MEGF11: variants seen among roughly 807,000 people sequenced by gnomAD.
MEGF11 encodes multiple epidermal growth factor-like domains protein 11.
In MEGF11, 126 loss-of-function variants were observed where a neutral mutation model predicts 146.6. The ratio of observed to expected loss-of-function variants is 0.86; its 90% CI spans 0.74 to 1.00. The LOEUF (loss-of-function observed/expected upper bound fraction) is 1.00. MEGF11 is among the 50% of genes least tolerant of loss of function. The probability of loss-of-function intolerance (pLI) is 0.00; values close to 1 mark genes in which losing one functional copy is unlikely to be tolerated. For missense variants in MEGF11, 1,509 were observed against 1,521.2 expected, an observed-to-expected ratio of 0.99 and a Z score of 0.13; for synonymous variants, 532 against 583.4, an observed-to-expected ratio of 0.91 and a Z score of 1.27.
At chr15:65,944,121 A>T (rs1015354841) in intron 10 of MEGF11, among the ~76,000 whole-genome samples, 2 of 152,118 alleles carry the variant, frequency 1.3e-5, no homozygotes, top group African/African-American at 4.8e-5. Flanking sequence ...TGTGCAGGGG[A>T]CTGTGCCGGG....
intron 5 of MEGF11, among the ~76,000 whole-genome samples, chr15:66,039,793 AGGC>A (rs774234890): frequency 7.6e-6 from 1 of 131,768 alleles, no homozygotes; most frequent in Admixed American, 7.7e-5. Context: ...GAGCCGGGTC[AGGC>A]GGCGGTGGGG....
intron 1 of MEGF11, among the ~76,000 whole-genome samples, chr15:66,224,042 T>A (rs1251825064): frequency 6.6e-6 from 1 of 152,062 alleles, no homozygotes; most frequent in Admixed American, 6.6e-5. Context: ...ATGGGGGAAA[T>A]TTAATCAACA....
At chr15:65,919,409 T>C (rs1445626400) in intron 15 of MEGF11, among the ~76,000 whole-genome samples, 4 of 152,260 alleles carry the variant, frequency 2.6e-5, no homozygotes, top group Non-Finnish European at 5.9e-5. Flanking sequence ...ATAAAGCAAG[T>C]CACACAAATG....
intron 1 of MEGF11, among the ~76,000 whole-genome samples, chr15:66,229,697 C>A (rs1020158082): frequency 7.2e-5 from 11 of 152,038 alleles, no homozygotes; most frequent in African/African-American, 2.7e-4. Context: ...AGAGGAATGG[C>A]AAGGCTCCCA....
chr15:66,128,290 G>A lies in MEGF11; in HGVS notation c.98+16C>T. 4 of 1,461,860 alleles carry A rather than the reference G, an allele frequency of 2.7e-6. No homozygotes were observed. The highest frequency in any genetic ancestry group is 1.4e-5 in the South Asian group (1 of 70,036). 90.6% of individuals were successfully genotyped at this position (1,461,860 alleles called of 1,614,324 possible). ...TCCCCCAGAGAGTGCCTGGCCATCT[G>A]AGGCCCACACCTTACCTCTCCCAGT... On this transcript the variant is annotated intron_variant, in intron 2 of 25. Coordinates refer to ENST00000395614, the MANE Select transcript of MEGF11 (RefSeq NM_001385028.1).
intron 1 of MEGF11, among the ~76,000 whole-genome samples, chr15:66,214,067 C>T (rs549277264): frequency 7.5e-6 from 1 of 134,012 alleles, no homozygotes; most frequent in African/African-American, 2.8e-5. Context: ...TGGAGTCTCA[C>T]TCTTGTTGCC....
At chr15:66,017,782 AG>A (rs939315584) in intron 5 of MEGF11, among the ~76,000 whole-genome samples, 5 of 152,192 alleles carry the variant, frequency 3.3e-5, no homozygotes, top group African/African-American at 1.2e-4. Context: ...TCCCAAAGGG[AG>A]CACTGTGGCC....
chr15:66,108,306 T>C (rs67053960), intron 4 of MEGF11, among the ~76,000 whole-genome samples: 11,742 of 152,092 alleles, frequency 0.077, 572 homozygotes, highest in Non-Finnish European at 0.11. Context: ...ATAGAGTGGA[T>C]TGAAGGTGCC....
chr15:66,187,425 T>C (rs78550588), intron 1 of MEGF11, among the ~76,000 whole-genome samples: 7,217 of 152,288 alleles, frequency 0.047, 561 homozygotes, highest in African/African-American at 0.16. Context: ...GCTCAGTGGC[T>C]GAGCCCAGGC....
At chr15:65,944,184 A>G (rs2080107882) in intron 10 of MEGF11, among the ~76,000 whole-genome samples, 1 of 152,200 alleles carries the variant, frequency 6.6e-6, no homozygotes, top group Non-Finnish European at 1.5e-5. Flanking sequence ...GAGTAGGCAC[A>G]CAGGGATGAA....
At chr15:65,939,794 T>C (rs905476425) in intron 10 of MEGF11, among the ~76,000 whole-genome samples, 1 of 152,100 alleles carries the variant, frequency 6.6e-6, no homozygotes, top group African/African-American at 2.4e-5. Context: ...TGCCCAGCCC[T>C]CTTTAACTCT....
chr15:66,147,566 A>C lies in MEGF11; in HGVS notation c.-8-19155T>G, dbSNP rs114156085. On this transcript the variant is annotated intron_variant, in intron 1 of 25. Coordinates refer to ENST00000395614, the MANE Select transcript of MEGF11 (RefSeq NM_001385028.1). ...GAAGGGGCACACATGCTGAGACCTG[A>C]AGGAGGCAGATGTGCTAACCAGGTA... Among the ~76,000 whole-genome samples, 576 of 152,288 alleles carry C rather than the reference A, an allele frequency of 3.8e-3. 2 individuals carry two copies. Among genetic ancestry groups the C allele is most frequent in the African/African-American group, 0.011 (464 of 41,564 alleles).
At position 66,237,307 on chromosome 15, in the gene MEGF11, T is replaced by G. The variant is rs1425982909; in HGVS notation, c.-9+16298A>C. Among the ~76,000 whole-genome samples the G allele has an allele frequency of 1.4e-4, 20 of 138,848 alleles. No individual in the cohort carries two copies. The Admixed American group carries it at 1.5e-3, about 10-fold the overall frequency. 91.1% of individuals were successfully genotyped at this position (138,848 alleles called of 152,430 possible). On this transcript the variant is annotated intron_variant, in intron 1 of 25. Coordinates refer to ENST00000395614, the MANE Select transcript of MEGF11 (RefSeq NM_001385028.1). ...CTGATGACAGTGGGGTCCCACACCC[T>G]GTCTCCTTCCAACTCACTCCCCCCA...
chr15:66,010,021 G>T (rs561401878), intron 5 of MEGF11, among the ~76,000 whole-genome samples: 110 of 152,134 alleles, frequency 7.2e-4, no homozygotes, highest in Non-Finnish European at 1.3e-3. Context: ...TTTGGATGAG[G>T]TGCTCTTAGT....
rs2086455833 is a variant in MEGF11 at position 66,094,505 on chromosome 15, A to G, written c.302-11T>C. ...CCTCCGTACACAGGGCTGAGGGGAC[A>G]TGGGGAGAGGGAGGAAGAACCAGAA... On this transcript the variant is annotated splice_polypyrimidine_tract_variant and intron_variant, in intron 4 of 25. Coordinates refer to ENST00000395614, the MANE Select transcript of MEGF11 (RefSeq NM_001385028.1). 1.9e-6 allele frequency: 3 copies of G among 1,555,024 alleles called. No homozygotes were observed. The highest frequency in any genetic ancestry group is 2.6e-6 in the Non-Finnish European group (3 of 1,148,098).
intron 13 of MEGF11, among the ~76,000 whole-genome samples, chr15:65,927,210 T>C (rs1275105869): frequency 6.6e-6 from 1 of 152,246 alleles, no homozygotes; most frequent in African/African-American, 2.4e-5. Flanking sequence ...TAGCACTTTA[T>C]AGGTAGTAAC....
chr15:65,921,408 C>T (rs1365783537), intron 15 of MEGF11, among the ~76,000 whole-genome samples: 2 of 152,228 alleles, frequency 1.3e-5, no homozygotes, highest in East Asian at 3.8e-4. Context: ...CTACCATATC[C>T]ATCAGCTGTT....
At chr15:65,908,506 A>G (rs955877226) in intron 23 of MEGF11, among the ~76,000 whole-genome samples, 1 of 152,200 alleles carries the variant, frequency 6.6e-6, no homozygotes, top group Non-Finnish European at 1.5e-5. Flanking sequence ...TACTCAGTAC[A>G]TGAGTACAGG....
At chr15:66,020,671 T>C (rs1024194055) in intron 5 of MEGF11, among the ~76,000 whole-genome samples, 3 of 152,132 alleles carry the variant, frequency 2.0e-5, no homozygotes, top group African/African-American at 7.2e-5. Flanking sequence ...CTGGTCCCAA[T>C]TCCCTCACTC....
Sources: allele counts gnomAD v4.1 joint callset (sites outside exome capture counted in the v4.1 genomes callset), GRCh38; gene constraint gnomAD v4.1.1; transcripts MANE v1.5; gene names NCBI Gene and HGNC (gene_info 2026-07-23, HGNC 2026-07-21).